MTCH2: variants seen among roughly 807,000 people sequenced by gnomAD.
MTCH2 encodes the protein mitochondrial carrier homolog 2.
Under a neutral mutation model 50.6 loss-of-function variants are expected in MTCH2, and 25 were observed. That is an observed-to-expected ratio of 0.49 (90% CI 0.36 to 0.69). MTCH2 has a LOEUF of 0.69. MTCH2 is among the 30% of genes least tolerant of loss of function. The pLI, the probability that MTCH2 is intolerant of heterozygous loss-of-function variation, is 0.00. For missense variants in MTCH2, 273 were observed against 384.4 expected (o/e 0.71, Z 2.42); for synonymous variants, 106 against 132.0 (o/e 0.80, Z 1.35).
intron 1 of MTCH2, among the ~76,000 whole-genome samples, chr11:47,639,787 G>A (rs1387576574): frequency 1.3e-5 from 2 of 152,054 alleles, no homozygotes; most frequent in Non-Finnish European, 2.9e-5. Flanking sequence ...GCAGTGAGCC[G>A]AGATTGTGTC....
At chr11:47,629,942 A>G (rs1268428238) in intron 8 of MTCH2, among the ~76,000 whole-genome samples, 2 of 152,068 alleles carry the variant, frequency 1.3e-5, no homozygotes, top group Non-Finnish European at 2.9e-5. Context: ...TCATTTTATT[A>G]TCTATATAGA....
chr11:47,624,370 C>CCA (rs1344697760), intron 11 of MTCH2, among the ~76,000 whole-genome samples: 2 of 152,138 alleles, frequency 1.3e-5, no homozygotes, highest in African/African-American at 4.8e-5. Context: ...ATCAAACTTT[C>CCA]CATAGACTAA....
intron 3 of MTCH2, 133 bp downstream of exon 3, chr11:47,638,566 A>AT: frequency 1.6e-6 from 1 of 629,544 alleles, no homozygotes. Context: ...AAAAAAAAAA[A>AT]GAAAGTGTTT....
At chr11:47,613,354 T>TA (rs2097286631), downstream of MTCH2, among the ~76,000 whole-genome samples, 1 of 152,080 alleles carries the variant, frequency 6.6e-6, no homozygotes, top group Non-Finnish European at 1.5e-5. Flanking sequence ...TCTTTGTATT[T>TA]AAAAAAACAA....
Position 47,627,098 on chromosome 11 carries a change from A to G in MTCH2, c.663T>C (p.Tyr221=), listed in dbSNP as rs1241194912. The change falls in exon 10 of 13, where the codon TAT becomes TAC. Residue 221 remains tyrosine (Y), a synonymous_variant. Coordinates refer to ENST00000302503, the MANE Select transcript of MTCH2 (RefSeq NM_014342.4). ...GVSTMNEMKS[Y]SQAVTGFFAS... ...AACTCACTCCTGTGACAGCTTGAGA[A>G]TAACTCTTCATTTCATTCATGGTAG... 1.9e-6 allele frequency: 3 copies of G among 1,601,336 alleles called. No homozygotes were observed. The highest frequency in any genetic ancestry group is 1.3e-5 in the African/African-American group (1 of 74,466).
chr11:47,631,366 G>A (rs1013837772), intron 6 of MTCH2, among the ~76,000 whole-genome samples: 2 of 152,062 alleles, frequency 1.3e-5, no homozygotes, highest in African/African-American at 2.4e-5. Flanking sequence ...CCAAGATTGT[G>A]CCATTGCACT....
intron 2 of MTCH2, 58 bp from the exon 3 acceptor site, chr11:47,638,863 C>A: frequency 1.9e-6 from 3 of 1,570,880 alleles, no homozygotes; most frequent in Non-Finnish European, 2.6e-6. Context: ...GGATATACTA[C>A]AATTTCAAAG....
intron 11 of MTCH2, among the ~76,000 whole-genome samples, chr11:47,624,732 A>C (rs1478096390): frequency 6.6e-6 from 1 of 152,150 alleles, no homozygotes; most frequent in Non-Finnish European, 1.5e-5. Flanking sequence ...CAGGAGTTCA[A>C]GGCTGCAGTG....
Position 47,634,962 on chromosome 11 carries a change from G to A in MTCH2, c.307-228C>T, listed in dbSNP as rs138024632. Among the ~76,000 whole-genome samples, 852 of 151,960 alleles carry A rather than the reference G, an allele frequency of 5.6e-3. 11 individuals are homozygous for A. Among genetic ancestry groups the A allele is most frequent in the African/African-American group, 0.02 (821 of 41,456 alleles). ...TAATTTTTGTATTTTTAGTAGAGAC[G>A]GGGTTTCACCGTGTTAGCCAGGATG... On this transcript the variant is annotated intron_variant, in intron 4 of 12. Transcript: ENST00000302503.
At chr11:47,610,712 A>G in the MTCH2 span, among the ~76,000 whole-genome samples, 3 of 152,188 alleles carry the variant, frequency 2.0e-5, no homozygotes, top group Non-Finnish European at 4.4e-5. Flanking sequence ...CTCAAAAAGA[A>G]AAGAAAACTG....
intron 7 of MTCH2, 146 bp from the exon 8 acceptor site, chr11:47,630,760 A>G: frequency 2.5e-6 from 2 of 797,014 alleles, no homozygotes; most frequent in South Asian, 1.8e-5. Flanking sequence ...CTGCAAAGAT[A>G]GCTAAATTTG....
chr11:47,605,445 A>AG, the MTCH2 span, among the ~76,000 whole-genome samples: 2 of 152,102 alleles, frequency 1.3e-5, no homozygotes, highest in South Asian at 4.1e-4. Context: ...ATCTAAATGC[A>AG]GGTCTCTCCA....
At chr11:47,610,204 T>C in the MTCH2 span, among the ~76,000 whole-genome samples, 1 of 152,264 alleles carries the variant, frequency 6.6e-6, no homozygotes, top group South Asian at 2.1e-4. Flanking sequence ...AGGTGCTCAT[T>C]ATATGGCAGA....
chr11:47,637,567 A>G (rs1231594893), intron 3 of MTCH2, among the ~76,000 whole-genome samples: 2 of 152,110 alleles, frequency 1.3e-5, no homozygotes, highest in African/African-American at 4.8e-5. Context: ...TTCTTGCAAG[A>G]GGAATTTTTT....
chr11:47,636,127 C>G (rs554819700), intron 3 of MTCH2, among the ~76,000 whole-genome samples: 4 of 148,212 alleles, frequency 2.7e-5, no homozygotes, highest in African/African-American at 9.9e-5. Flanking sequence ...GAGTCCGTCT[C>G]AAGAAAAAAA....
At chr11:47,608,007 T>C in the MTCH2 span, among the ~76,000 whole-genome samples, 2 of 152,214 alleles carry the variant, frequency 1.3e-5, no homozygotes, top group African/African-American at 2.4e-5. Context: ...ACGCAATGCA[T>C]GTGCGTGCCA....
Position 47,634,700 on chromosome 11 carries a change from G to A in MTCH2, c.341C>T (p.Ser114Leu), listed in dbSNP as rs1280452990. The change falls in exon 5 of 13, where the codon TCA (serine) becomes TTA (leucine). Residue 114 changes from serine (S) to leucine (L), a missense_variant. This residue lies in a region of MTCH2 where 203 missense variants were observed against 244.3 expected (regional missense o/e 0.83). Coordinates refer to ENST00000302503, the MANE Select transcript of MTCH2 (RefSeq NM_014342.4). ...LGPGNVQKEV[S>L]SSFDHVIKET... ...CTTGATAACGTGGTCAAAGGAAGAT[G>A]AGACTTCTTTCTGTACATTTCCAGG... The A allele has an allele frequency of 1.2e-6, 2 of 1,610,064 alleles. No individual in the cohort carries two copies. Among genetic ancestry groups the A allele is most frequent in the Non-Finnish European group, 1.7e-6 (2 of 1,177,734 alleles).
intron 8 of MTCH2, chr11:47,629,315 T>C: frequency 2.8e-6 from 1 of 357,886 alleles, no homozygotes; most frequent in Non-Finnish European, 5.3e-6. Context: ...TTCATAACTG[T>C]AAGCAGGGAG....
intron 12 of MTCH2, 127 bp from the exon 13 acceptor site, chr11:47,619,046 A>G: frequency 1.3e-6 from 1 of 774,388 alleles, no homozygotes; most frequent in Non-Finnish European, 2.2e-6. Context: ...CTATCACTAC[A>G]GAACAAGGAT....
Sources: gnomAD v4.1 joint callset for allele counts (sites outside exome capture counted in the v4.1 genomes callset) on GRCh38, gnomAD v4.1.1 for gene constraint, gnomAD v4.1.1 regional missense constraint, MANE v1.5 for transcripts, NCBI Gene and HGNC (gene_info 2026-07-23, HGNC 2026-07-21) for gene names.